EIF4G3: variants seen among roughly 807,000 people sequenced by gnomAD.
EIF4G3 encodes eIF-4-gamma 3.
A neutral mutation model predicts 186.4 loss-of-function variants in EIF4G3; 34 were observed. That is an observed-to-expected ratio of 0.18 (90% CI 0.14 to 0.24). EIF4G3 has a LOEUF of 0.24. EIF4G3 is among the 10% of genes least tolerant of loss of function. EIF4G3 has a pLI of 1.00. For missense variants in EIF4G3, 1,536 were observed against 1,948.5 expected, an observed-to-expected ratio of 0.79 and a Z score of 3.99; for synonymous variants, 673 against 679.5, an observed-to-expected ratio of 0.99 and a Z score of 0.15.
chr1:21,106,722 CA>C lies in EIF4G3; in HGVS notation c.-271-17510del, dbSNP rs551185667. Among the ~76,000 whole-genome samples, 414 of 150,852 alleles carry C rather than the reference CA, an allele frequency of 2.7e-3. 1 individual carries two copies. Among genetic ancestry groups the C allele is most frequent in the African/African-American group, 3.5e-3 (143 of 41,056 alleles). On this transcript the variant is annotated intron_variant, in intron 2 of 36. Coordinates refer to ENST00000602326, the MANE Select transcript of EIF4G3 (RefSeq NM_001391906.1). ...TGAACATAAAAATAGCATTTAATGC[CA>C]AAAAAAATTAAAAAATTAAAAAAAG...
chr1:21,035,991 G>A (rs1042800080), intron 4 of EIF4G3, among the ~76,000 whole-genome samples: 2 of 152,228 alleles, frequency 1.3e-5, no homozygotes, highest in African/African-American at 4.8e-5. Flanking sequence ...GCTGTAGAGA[G>A]GAGCTACCCT....
intron 6 of EIF4G3, chr1:20,998,724 G>T: frequency 4.2e-6 from 1 of 235,318 alleles, no homozygotes; most frequent in South Asian, 4.6e-5. Context: ...AATATTAACC[G>T]GGGTATGTAG....
At chr1:20,914,400 G>A (rs1284683721) in intron 14 of EIF4G3, among the ~76,000 whole-genome samples, 4 of 152,018 alleles carry the variant, frequency 2.6e-5, no homozygotes, top group Admixed American at 6.6e-5. Flanking sequence ...GAGATTTGAA[G>A]ATGCTGTGTT....
At chr1:21,149,845 C>A (rs1296281841) in intron 2 of EIF4G3, among the ~76,000 whole-genome samples, 1 of 152,224 alleles carries the variant, frequency 6.6e-6, no homozygotes, top group Non-Finnish European at 1.5e-5. Context: ...AAATCACCAT[C>A]ATTCTGGACA....
chr1:20,963,386 A>C (rs1368697677), intron 12 of EIF4G3, among the ~76,000 whole-genome samples: 1 of 152,140 alleles, frequency 6.6e-6, no homozygotes, highest in Non-Finnish European at 1.5e-5. Flanking sequence ...TAATTAATAA[A>C]TGGTCATGGA....
chr1:20,914,448 G>T (rs1423631529), intron 14 of EIF4G3, among the ~76,000 whole-genome samples: 2 of 152,084 alleles, frequency 1.3e-5, no homozygotes, highest in East Asian at 3.9e-4. Context: ...CACAGCCAAA[G>T]AATGTAAGCA....
In EIF4G3 at chr1:21,163,044, C is replaced by T. The variant is rs185713631; in HGVS notation, c.-272+13131G>A. On this transcript the variant is annotated intron_variant, in intron 2 of 36. Coordinates refer to ENST00000602326, the MANE Select transcript of EIF4G3 (RefSeq NM_001391906.1). Reference sequence around the variant, plus strand: ...ACTCCTTTCCAGCTTAGAAAAATCACTGGCTCATGGTGGCACCTTTCAAAG... The same window carrying T: ...ACTCCTTTCCAGCTTAGAAAAATCATTGGCTCATGGTGGCACCTTTCAAAG... 5.9e-5 allele frequency among the ~76,000 whole-genome samples: 9 copies of T among 152,310 alleles called. No homozygotes were observed. In the East Asian group the frequency reaches 1.7e-3, roughly 29 times the overall value.
At chr1:21,157,917 G>C (rs4483375) in intron 2 of EIF4G3, among the ~76,000 whole-genome samples, 2 of 152,154 alleles carry the variant, frequency 1.3e-5, no homozygotes, top group African/African-American at 4.8e-5. Flanking sequence ...CCTCATTAAC[G>C]TGATTCTGAA....
intron 10 of EIF4G3, among the ~76,000 whole-genome samples, chr1:20,974,958 G>A (rs1341451133): frequency 6.6e-6 from 1 of 152,062 alleles, no homozygotes; most frequent in Non-Finnish European, 1.5e-5. Flanking sequence ...AATAAGGCTG[G>A]CCCACTTTCA....
At chr1:21,008,481 T>C (rs1280557851) in intron 4 of EIF4G3, among the ~76,000 whole-genome samples, 1 of 151,958 alleles carries the variant, frequency 6.6e-6, no homozygotes, top group Non-Finnish European at 1.5e-5. Context: ...GGATTACAGA[T>C]GCATGCCACC....
chr1:20,869,802 A>G (rs1403132827), intron 20 of EIF4G3, among the ~76,000 whole-genome samples: 2 of 151,024 alleles, frequency 1.3e-5, no homozygotes, highest in Non-Finnish European at 3.0e-5. Flanking sequence ...AAAAAAGTGA[A>G]GTAAACAGCA....
intron 7 of EIF4G3, among the ~76,000 whole-genome samples, chr1:20,990,242 A>C (rs533359853): frequency 2.0e-5 from 3 of 152,192 alleles, no homozygotes; most frequent in Admixed American, 1.3e-4. Flanking sequence ...TATTTCAAGA[A>C]ATTGCCACAG....
chr1:20,918,701 C>CTTTTTTTTTT (rs35704755), intron 14 of EIF4G3, among the ~76,000 whole-genome samples: 1 of 94,886 alleles, frequency 1.1e-5, no homozygotes, highest in Admixed American at 1.3e-4. Flanking sequence ...CTCCTAGTAT[C>CTTTTTTTTTT]TTTTTTTTTT....
chr1:21,167,540 C>T (rs141814192), intron 2 of EIF4G3, among the ~76,000 whole-genome samples: 8 of 152,140 alleles, frequency 5.3e-5, no homozygotes, highest in Admixed American at 5.2e-4. Flanking sequence ...CTTTGGAAGG[C>T]CAAGGTCAGG....
intron 14 of EIF4G3, among the ~76,000 whole-genome samples, chr1:20,912,611 C>A (rs887566593): frequency 2.0e-5 from 3 of 152,192 alleles, no homozygotes; most frequent in African/African-American, 7.2e-5. Flanking sequence ...CGGTGCATTG[C>A]CACAGAGTTG....
chr1:21,028,872 C>A lies in EIF4G3; in HGVS notation c.-67+21994G>T, dbSNP rs189450477. ...ATATTATACCTAAATAGAGTTTAGA[C>A]CAGCTGTATTAATAAATCATTAATT... is the stretch of plus-strand genomic sequence containing the variant. On this transcript the variant is annotated intron_variant, in intron 4 of 36. Transcript: ENST00000602326. Among the ~76,000 whole-genome samples, 754 of 152,304 alleles carry A rather than the reference C, an allele frequency of 5.0e-3. 6 individuals carry two copies. Among genetic ancestry groups the A allele is most frequent in the African/African-American group, 0.017 (719 of 41,572 alleles).
At chr1:21,093,387 A>T (rs2096263003) in intron 2 of EIF4G3, among the ~76,000 whole-genome samples, 1 of 152,254 alleles carries the variant, frequency 6.6e-6, no homozygotes, top group Admixed American at 6.5e-5. Context: ...AATGCAAATC[A>T]AAACCACAAT....
intron 12 of EIF4G3, among the ~76,000 whole-genome samples, chr1:20,954,238 G>A (rs1159211481): frequency 6.6e-6 from 1 of 151,954 alleles, no homozygotes; most frequent in Non-Finnish European, 1.5e-5. Context: ...CACTATGAAG[G>A]CTAAGAAGCA....
chr1:21,030,583 T>TA (rs1448394667), intron 4 of EIF4G3, among the ~76,000 whole-genome samples: 2 of 152,176 alleles, frequency 1.3e-5, no homozygotes, highest in African/African-American at 4.8e-5. Context: ...AATGGACTAA[T>TA]ACATCAGTAG....
Sources: gnomAD v4.1 joint callset for allele counts (sites outside exome capture counted in the v4.1 genomes callset) on GRCh38, gnomAD v4.1.1 for gene constraint, MANE v1.5 for transcripts, NCBI Gene and HGNC (gene_info 2026-07-23, HGNC 2026-07-21) for gene names.